The following STARD3NL variants were observed in gnomAD, a reference collection of about 807,000 sequenced individuals.
The protein encoded by STARD3NL is STARD3 N-terminal like, also known as STARD3 N-terminal-like protein.
Under a neutral mutation model 30.9 loss-of-function variants are expected in STARD3NL, and 17 were observed. The observed-to-expected ratio is 0.55, with a 90% confidence interval of 0.38 to 0.82. STARD3NL has a LOEUF of 0.82. STARD3NL is among the 40% of genes least tolerant of loss of function. STARD3NL has a pLI of 0.00. For synonymous variants in STARD3NL, 112 were observed against 100.5 expected (o/e 1.11, Z -0.69); for missense variants, 234 against 277.6 (o/e 0.84, Z 1.12).
intron 3 of STARD3NL, 21 bp downstream of exon 3, chr7:38,214,455 A>G: frequency 6.7e-7 from 1 of 1,498,000 alleles, no homozygotes; most frequent in Non-Finnish European, 9.2e-7. Context: ...TTTATGTTTC[A>G]TTTCAGATGT....
At chr7:38,209,576 G>A (rs1033587042) in intron 2 of STARD3NL, among the ~76,000 whole-genome samples, 27 of 152,154 alleles carry the variant, frequency 1.8e-4, no homozygotes, top group African/African-American at 5.3e-4. Flanking sequence ...GAGCCATCGC[G>A]CCTGGCCGGA....
At chr7:38,190,420 T>A (rs566456555) in intron 1 of STARD3NL, among the ~76,000 whole-genome samples, 12 of 152,232 alleles carry the variant, frequency 7.9e-5, no homozygotes, top group Non-Finnish European at 1.6e-4. Context: ...GTATGTATAC[T>A]GTATGCATCT....
intron 6 of STARD3NL, 57 bp from the exon 7 acceptor site, chr7:38,219,508 C>T: frequency 1.5e-6 from 2 of 1,326,490 alleles, no homozygotes; most frequent in South Asian, 1.3e-5. Flanking sequence ...TTAATCTTGC[C>T]AAAAAGCTAC....
chr7:38,192,558 C>G (rs1422794675), intron 1 of STARD3NL, among the ~76,000 whole-genome samples: 1 of 152,166 alleles, frequency 6.6e-6, no homozygotes, highest in Non-Finnish European at 1.5e-5. Flanking sequence ...CTTTAGGGAA[C>G]TGCTTGTGAT....
intron 1 of STARD3NL, among the ~76,000 whole-genome samples, chr7:38,187,341 C>A (rs1372083080): frequency 1.3e-5 from 2 of 152,216 alleles, no homozygotes; most frequent in Non-Finnish European, 2.9e-5. Flanking sequence ...TTTGCCTGGA[C>A]CAAGCAACAG....
chr7:38,195,024 G>A (rs992266227), intron 1 of STARD3NL, among the ~76,000 whole-genome samples: 2 of 151,840 alleles, frequency 1.3e-5, no homozygotes, highest in African/African-American at 2.4e-5. Context: ...TTCTGATAAA[G>A]CATACACTGA....
chr7:38,209,435 C>T (rs1785669177), intron 2 of STARD3NL, among the ~76,000 whole-genome samples: 1 of 152,048 alleles, frequency 6.6e-6, no homozygotes, highest in Non-Finnish European at 1.5e-5. Flanking sequence ...GGGCGCACAC[C>T]ATCACGCCTT....
intron 7 of STARD3NL, among the ~76,000 whole-genome samples, chr7:38,226,659 T>G (rs1291882732): frequency 6.6e-6 from 1 of 152,222 alleles, no homozygotes; most frequent in Non-Finnish European, 1.5e-5. Context: ...GTCTCCTCTG[T>G]GCATGGAGAC....
At chr7:38,185,061 A>G (rs1434509750) in intron 1 of STARD3NL, among the ~76,000 whole-genome samples, 1 of 151,978 alleles carries the variant, frequency 6.6e-6, no homozygotes, top group African/African-American at 2.4e-5. Context: ...TATTTTCTGA[A>G]TATTTTAGCC....
At chr7:38,181,195 T>G (rs1331895176) in intron 1 of STARD3NL, among the ~76,000 whole-genome samples, 1 of 152,194 alleles carries the variant, frequency 6.6e-6, no homozygotes, top group Non-Finnish European at 1.5e-5. Flanking sequence ...TTTGTTTTAA[T>G]TTTAGAAATG....
At chr7:38,225,238 A>C (rs1437275438) in intron 7 of STARD3NL, among the ~76,000 whole-genome samples, 1 of 152,198 alleles carries the variant, frequency 6.6e-6, no homozygotes, top group Non-Finnish European at 1.5e-5. Context: ...TACACATTCC[A>C]GATAAAAGTG....
At position 38,228,828 on chromosome 7, in the gene STARD3NL, A is replaced by G. The variant is rs199784906; in HGVS notation, c.679A>G (p.Ser227Gly). ...TGAAGAAGCTGAAGAAAAACAGGAC[A>G]GTGAGAAACCACTTTTAGAACTATG... ...GSEEAEEKQDSEKPLLEL is the reference protein window; with the variant it reads ...GSEEAEEKQDGEKPLLEL Residue 227 changes from serine to glycine, a missense_variant, in exon 8 of 9, where the codon AGT becomes GGT. Ser to Gly is a moderately conservative substitution (Grantham distance 56). Coordinates refer to ENST00000009041, the MANE Select transcript of STARD3NL (RefSeq NM_032016.4). 13 of 1,613,060 alleles carry G rather than the reference A, an allele frequency of 8.1e-6. No homozygotes were observed. The East Asian group carries it at 1.6e-4, about 19-fold the overall frequency.
At chr7:38,220,775 G>A (rs1786410499) in intron 7 of STARD3NL, among the ~76,000 whole-genome samples, 1 of 152,202 alleles carries the variant, frequency 6.6e-6, no homozygotes, top group Admixed American at 6.5e-5. Context: ...TAAACGACAT[G>A]TATGTACATC....
At chr7:38,229,574 AG>A in intron 8 of STARD3NL, among the ~76,000 whole-genome samples, 1 of 152,362 alleles carries the variant, frequency 6.6e-6, no homozygotes, top group Admixed American at 6.5e-5. Flanking sequence ...AAAAGCTGCC[AG>A]ATTGTGAGTC....
chr7:38,214,345 T>C lies in STARD3NL; in HGVS notation c.226-12T>C. ...ACCTCTCCTTGTTTTTGCTTCTTAC[T>C]CTCCTTTCTAGGTGAATGGAGGCAT... On this transcript the variant is annotated splice_polypyrimidine_tract_variant and intron_variant, in intron 2 of 8. Transcript: ENST00000009041. 6.4e-7 allele frequency: 1 copy of C among 1,572,824 alleles called. No individual in the cohort carries two copies. The highest frequency in any genetic ancestry group is 8.7e-7 in the Non-Finnish European group (1 of 1,149,550).
chr7:38,187,634 GT>G (rs34293584), intron 1 of STARD3NL, among the ~76,000 whole-genome samples: 8 of 150,752 alleles, frequency 5.3e-5, no homozygotes, highest in East Asian at 1.9e-4. Flanking sequence ...CAATTTATTA[GT>G]TTTTTTTTCA....
chr7:38,193,958 C>T (rs986996414), intron 1 of STARD3NL, among the ~76,000 whole-genome samples: 2 of 151,926 alleles, frequency 1.3e-5, no homozygotes, highest in Non-Finnish European at 2.9e-5. Flanking sequence ...GATAGATTTC[C>T]TTTTTAACAT....
chr7:38,191,910 TAA>T (rs11398652), intron 1 of STARD3NL, among the ~76,000 whole-genome samples: 1 of 149,092 alleles, frequency 6.7e-6, no homozygotes. Context: ...CAGTTTCTAT[TAA>T]AAAAAAAAGC....
chr7:38,183,253 A>G (rs1430462593), intron 1 of STARD3NL, among the ~76,000 whole-genome samples: 1 of 152,032 alleles, frequency 6.6e-6, no homozygotes, highest in African/African-American at 2.4e-5. Flanking sequence ...TTGTGCCAGG[A>G]GTTGTTCTAA....
Sources: allele counts gnomAD v4.1 joint callset (sites outside exome capture counted in the v4.1 genomes callset), GRCh38; gene constraint gnomAD v4.1.1; transcripts MANE v1.5; gene names NCBI Gene and HGNC (gene_info 2026-07-23, HGNC 2026-07-21).